The following FBXO34 variants were observed in gnomAD, a reference collection of about 807,000 sequenced individuals.
FBXO34 encodes F-box protein 34.
Under a neutral mutation model 24.5 loss-of-function variants are expected in FBXO34, and 12 were observed. The observed-to-expected ratio is 0.49, with a 90% confidence interval of 0.31 to 0.79. FBXO34 has a LOEUF of 0.79. Among genes scored for constraint, FBXO34 ranks in the 30% least tolerant of loss-of-function variants. FBXO34 has a pLI of 0.04. For synonymous variants in FBXO34, 320 were observed against 311.9 expected, an observed-to-expected ratio of 1.03 and a Z score of -0.27; for missense variants, 823 against 857.7, an observed-to-expected ratio of 0.96 and a Z score of 0.51.
chr14:55,388,867 C>T, the FBXO34 span, among the ~76,000 whole-genome samples: 5 of 152,188 alleles, frequency 3.3e-5, no homozygotes, highest in Admixed American at 2.0e-4. Flanking sequence ...CAAAGTGTGG[C>T]GTCTAGATCT....
chr14:55,318,864 T>C (rs1198861020), intron 1 of FBXO34, among the ~76,000 whole-genome samples: 1 of 152,166 alleles, frequency 6.6e-6, no homozygotes, highest in Non-Finnish European at 1.5e-5. Context: ...TAGGCATTTA[T>C]TGCTCTGTTA....
At chr14:55,338,845 G>T (rs1393312862) in intron 1 of FBXO34, among the ~76,000 whole-genome samples, 1 of 151,760 alleles carries the variant, frequency 6.6e-6, no homozygotes, top group African/African-American at 2.4e-5. Flanking sequence ...GGCGGAGCTT[G>T]CAGTGAGCTG....
downstream of FBXO34, among the ~76,000 whole-genome samples, chr14:55,356,750 G>T (rs566246199): frequency 2.6e-4 from 39 of 152,138 alleles, no homozygotes; most frequent in Non-Finnish European, 5.0e-4. Flanking sequence ...GAGCCACCGT[G>T]CCTGGCTGTT....
At chr14:55,427,246 A>T in the FBXO34 span, among the ~76,000 whole-genome samples, 6 of 137,792 alleles carry the variant, frequency 4.4e-5, no homozygotes, top group Admixed American at 2.0e-4. Context: ...TCAGATTTTT[A>T]AAAAATGGGG....
At chr14:55,413,669 C>G in the FBXO34 span, 1 of 367,442 alleles carries the variant, frequency 2.7e-6, no homozygotes, top group South Asian at 2.7e-5. Context: ...AGACACCTCT[C>G]CCTTTGACGT....
At chr14:55,436,239 A>G in the FBXO34 span, among the ~76,000 whole-genome samples, 16 of 152,222 alleles carry the variant, frequency 1.1e-4, no homozygotes, top group African/African-American at 3.9e-4. Flanking sequence ...TCAATTTTAC[A>G]TCTTTATATC....
the FBXO34 span, chr14:55,411,927 C>G: frequency 2.9e-6 from 3 of 1,049,412 alleles, no homozygotes; most frequent in South Asian, 1.6e-5. Flanking sequence ...TGCCGGCGAG[C>G]CCCCGGACCC....
chr14:55,369,614 G>A (rs750433610), downstream of FBXO34: 13 of 1,501,912 alleles, frequency 8.7e-6, no homozygotes, highest in South Asian at 1.7e-4. Flanking sequence ...TTTGGTCCAT[G>A]CTCGTTAACG....
chr14:55,378,306 A>C, the FBXO34 span, among the ~76,000 whole-genome samples: 2 of 152,228 alleles, frequency 1.3e-5, no homozygotes, highest in African/African-American at 4.8e-5. Flanking sequence ...CCACGTCAGG[A>C]CATTTATTCT....
At chr14:55,377,483 G>T in the FBXO34 span, among the ~76,000 whole-genome samples, 1 of 152,188 alleles carries the variant, frequency 6.6e-6, no homozygotes, top group Non-Finnish European at 1.5e-5. Context: ...CTATGTCCAG[G>T]AAGGGCTGGA....
chr14:55,378,034 G>C, the FBXO34 span: 48 of 1,612,900 alleles, frequency 3.0e-5, 1 homozygote, highest in South Asian at 4.9e-4. Flanking sequence ...TTCACTGCTC[G>C]AGTAAATTTC....
the FBXO34 span, among the ~76,000 whole-genome samples, chr14:55,383,412 G>T: frequency 6.6e-6 from 1 of 152,082 alleles, no homozygotes; most frequent in East Asian, 1.9e-4. Flanking sequence ...TAAGCTGGGC[G>T]TGGTGGTGGG....
intron 1 of FBXO34, among the ~76,000 whole-genome samples, chr14:55,330,038 A>G (rs1883480353): frequency 6.6e-6 from 1 of 152,138 alleles, no homozygotes; most frequent in Non-Finnish European, 1.5e-5. Flanking sequence ...GCGTTTCTGT[A>G]AGTGTGCAAG....
chr14:55,442,737 A>G, the FBXO34 span, among the ~76,000 whole-genome samples: 1 of 152,204 alleles, frequency 6.6e-6, no homozygotes, highest in Non-Finnish European at 1.5e-5. Flanking sequence ...TTAGCACAGT[A>G]CCTGCCTAGT....
intron 1 of FBXO34, among the ~76,000 whole-genome samples, chr14:55,280,833 A>T (rs1881514186): frequency 6.6e-6 from 1 of 152,088 alleles, no homozygotes; most frequent in Non-Finnish European, 1.5e-5. Context: ...GCCATATATC[A>T]GGAACTTGAG....
At chr14:55,375,158 T>C in the FBXO34 span, among the ~76,000 whole-genome samples, 1 of 152,158 alleles carries the variant, frequency 6.6e-6, no homozygotes, top group Non-Finnish European at 1.5e-5. Flanking sequence ...ATAATACATG[T>C]GGAATAAAAA....
chr14:55,331,329 C>T (rs1802536346), intron 1 of FBXO34, among the ~76,000 whole-genome samples: 1 of 151,904 alleles, frequency 6.6e-6, no homozygotes, highest in African/African-American at 2.4e-5. Context: ...CTCTCCTGCA[C>T]TGAATAATTT....
chr14:55,436,184 C>A, the FBXO34 span, among the ~76,000 whole-genome samples: 164 of 152,174 alleles, frequency 1.1e-3, 1 homozygote, highest in African/African-American at 3.7e-3. Flanking sequence ...CAAAACAATG[C>A]CTCAAAATAG....
chr14:55,442,044 C>T, the FBXO34 span, among the ~76,000 whole-genome samples: 20 of 151,614 alleles, frequency 1.3e-4, no homozygotes, highest in South Asian at 4.2e-4. Context: ...ATGACAGGCA[C>T]GAGCCACCGT....
Sources: allele counts gnomAD v4.1 joint callset (sites outside exome capture counted in the v4.1 genomes callset), GRCh38; gene constraint gnomAD v4.1.1; transcripts MANE v1.5; gene names NCBI Gene and HGNC (gene_info 2026-07-23, HGNC 2026-07-21).